The following ADGRL3 variants were observed in gnomAD, a reference collection of about 807,000 sequenced individuals.
The protein encoded by ADGRL3 is adhesion G protein-coupled receptor L3.
A neutral mutation model predicts 153.5 loss-of-function variants in ADGRL3; 62 were observed. The observed-to-expected ratio is 0.40, with a 90% CI of 0.33 to 0.50. The LOEUF is 0.50. Ranked by LOEUF, ADGRL3 falls within the 20% of genes least tolerant of loss-of-function variation. The pLI is 0.47. For synonymous variants in ADGRL3, 710 were observed against 672.5 expected, an observed-to-expected ratio of 1.06 and a Z score of -0.86; for missense variants, 1,641 against 1,859.4, an observed-to-expected ratio of 0.88 and a Z score of 2.16.
At chr4:62,000,047 A>G (rs1417270646) in intron 21 of ADGRL3, among the ~76,000 whole-genome samples, 2 of 152,148 alleles carry the variant, frequency 1.3e-5, no homozygotes, top group East Asian at 3.9e-4. Flanking sequence ...ACATAAATTT[A>G]TCATATTGTA....
At chr4:61,648,823 C>A (rs908207561) in intron 5 of ADGRL3, among the ~76,000 whole-genome samples, 1 of 151,778 alleles carries the variant, frequency 6.6e-6, no homozygotes, top group South Asian at 2.1e-4. Flanking sequence ...GATATTGTTC[C>A]GATTTTATTG....
At chr4:61,505,393 A>C (rs2098421230) in intron 3 of ADGRL3, among the ~76,000 whole-genome samples, 1 of 151,890 alleles carries the variant, frequency 6.6e-6, no homozygotes. Flanking sequence ...TTTTATTGTT[A>C]TTATGACTAT....
chr4:62,051,168 G>GTATATA (rs35250485), intron 25 of ADGRL3, among the ~76,000 whole-genome samples: 146 of 139,140 alleles, frequency 1.0e-3, no homozygotes, highest in Middle Eastern at 7.4e-3. Flanking sequence ...GTGTGTGTGT[G>GTATATA]TATATATATA....
At position 61,406,450 on chromosome 4, in the gene ADGRL3, TAA is replaced by T. The variant is rs201073162; in HGVS notation, c.-174+23262_-174+23263del. 5.0e-3 allele frequency among the ~76,000 whole-genome samples: 766 copies of T among 151,922 alleles called. 6 individuals are homozygous for T. The highest frequency in any genetic ancestry group is 0.016 in the African/African-American group (668 of 41,532). On this transcript the variant is annotated intron_variant, in intron 2 of 26. Coordinates refer to ENST00000683033, the MANE Select transcript of ADGRL3 (RefSeq NM_001387552.1). ...AGATGCTATATATTATTAAAGTAGA[TAA>T]GTTACTATTTTATCAGTATGTCTTT...
At chr4:61,751,122 GA>G (rs1427999784) in intron 8 of ADGRL3, among the ~76,000 whole-genome samples, 11 of 152,122 alleles carry the variant, frequency 7.2e-5, no homozygotes, top group African/African-American at 2.4e-4. Context: ...GCTCCTTAAT[GA>G]TAATCTAACT....
intron 11 of ADGRL3, among the ~76,000 whole-genome samples, chr4:61,896,682 C>T (rs2098633539): frequency 6.6e-6 from 1 of 152,138 alleles, no homozygotes; most frequent in Non-Finnish European, 1.5e-5. Flanking sequence ...TATCTATTTA[C>T]CCTAAATCAT....
intron 5 of ADGRL3, among the ~76,000 whole-genome samples, chr4:61,672,416 T>A (rs2095040302): frequency 6.6e-6 from 1 of 152,088 alleles, no homozygotes; most frequent in Non-Finnish European, 1.5e-5. Flanking sequence ...TCTACACGTT[T>A]ATTTAGGGGT....
intron 12 of ADGRL3, 64 bp from the exon 13 acceptor site, chr4:61,912,655 T>A (rs2149848140): frequency 7.0e-7 from 1 of 1,421,358 alleles, no homozygotes; most frequent in Non-Finnish European, 9.9e-7. Flanking sequence ...ATTTTTCTTG[T>A]TTTCTTCTGT....
At chr4:61,256,783 A>C (rs533088525) in intron 1 of ADGRL3, among the ~76,000 whole-genome samples, 37 of 152,302 alleles carry the variant, frequency 2.4e-4, no homozygotes, top group African/African-American at 7.9e-4. Context: ...CATTTTAAAA[A>C]TGTGGTTAAA....
chr4:61,963,916 C>T (rs936070427), intron 17 of ADGRL3, among the ~76,000 whole-genome samples: 2 of 152,166 alleles, frequency 1.3e-5, no homozygotes, highest in African/African-American at 4.8e-5. Flanking sequence ...AAAATGTGGA[C>T]ACTGGATGAA....
At chr4:61,842,806 A>C (rs2149013613) in intron 9 of ADGRL3, among the ~76,000 whole-genome samples, 1 of 152,340 alleles carries the variant, frequency 6.6e-6, no homozygotes, top group East Asian at 1.9e-4. Context: ...TAATTTTAGT[A>C]TAATTTCATT....
intron 2 of ADGRL3, among the ~76,000 whole-genome samples, chr4:61,446,710 TGAG>T (rs1187666525): frequency 6.6e-6 from 1 of 152,198 alleles, no homozygotes; most frequent in African/African-American, 2.4e-5. Flanking sequence ...TTCAGTAGTA[TGAG>T]GACATAAAAT....
chr4:61,286,292 C>CA (rs2093939230), intron 1 of ADGRL3, among the ~76,000 whole-genome samples: 1 of 150,344 alleles, frequency 6.7e-6, no homozygotes, highest in African/African-American at 2.4e-5. Flanking sequence ...CCTCAGAGAG[C>CA]AATGAAGGTT....
At chr4:62,062,922 A>G (rs1740978086) in intron 25 of ADGRL3, among the ~76,000 whole-genome samples, 1 of 152,080 alleles carries the variant, frequency 6.6e-6, no homozygotes. Flanking sequence ...ATGAGTGATT[A>G]TATTTTATTT....
chr4:61,570,602 A>G (rs2098834663), intron 4 of ADGRL3, among the ~76,000 whole-genome samples: 1 of 152,140 alleles, frequency 6.6e-6, no homozygotes, highest in African/African-American at 2.4e-5. Flanking sequence ...ATAATTTTGC[A>G]CCATTACACT....
chr4:61,230,846 C>A (rs533236566), intron 1 of ADGRL3, among the ~76,000 whole-genome samples: 1 of 152,304 alleles, frequency 6.6e-6, no homozygotes, highest in African/African-American at 2.4e-5. Flanking sequence ...ATCAAACTTG[C>A]ATTTCATTCT....
intron 9 of ADGRL3, among the ~76,000 whole-genome samples, chr4:61,834,091 C>T (rs1318567340): frequency 6.7e-6 from 1 of 148,718 alleles, no homozygotes; most frequent in Non-Finnish European, 1.5e-5. Flanking sequence ...CATGTTAATG[C>T]TATCCCTCCC....
chr4:61,550,214 T>TTTTTTTTTTTTTTTTGAGAC (rs2098733920), intron 4 of ADGRL3, among the ~76,000 whole-genome samples: 1 of 151,892 alleles, frequency 6.6e-6, no homozygotes, highest in African/African-American at 2.4e-5. Context: ...TATTTTTGAT[T>TTTTTTTTTTTTTTTTGAGAC]GGAATAATTT....
At chr4:61,389,738 C>T (rs28491363) in intron 2 of ADGRL3, among the ~76,000 whole-genome samples, 54,419 of 152,054 alleles carry the variant, frequency 0.36, 10,302 homozygotes, top group Non-Finnish European at 0.43. Context: ...ACAGTCATTC[C>T]TGCTTATTCC....
Sources: allele counts gnomAD v4.1 joint callset (sites outside exome capture counted in the v4.1 genomes callset), GRCh38; gene constraint gnomAD v4.1.1; transcripts MANE v1.5; gene names NCBI Gene and HGNC (gene_info 2026-07-23, HGNC 2026-07-21).